Variants in TBC1D22B observed in about 807,000 individuals in gnomAD.
The protein encoded by TBC1D22B is TBC1 domain family member 22B, also known as chromosome 6 open reading frame 197.
A neutral mutation model predicts 69.1 loss-of-function variants in TBC1D22B; 32 were observed. The observed-to-expected ratio is 0.46, with a 90% CI of 0.35 to 0.62. The LOEUF is 0.62. TBC1D22B is among the 20% of genes least tolerant of loss of function. TBC1D22B has a pLI of 0.00. For missense variants in TBC1D22B, 462 were observed against 630.9 expected (o/e 0.73, Z 2.87); for synonymous variants, 206 against 229.8 (o/e 0.90, Z 0.94).
intron 8 of TBC1D22B, among the ~76,000 whole-genome samples, chr6:37,296,002 G>T (rs1027609706): frequency 6.6e-6 from 1 of 152,232 alleles, no homozygotes; most frequent in East Asian, 1.9e-4. Flanking sequence ...ACCCTGGTCA[G>T]TCAGCAGCCA....
intron 12 of TBC1D22B, among the ~76,000 whole-genome samples, chr6:37,325,601 G>A (rs548971135): frequency 2.9e-5 from 4 of 137,732 alleles, no homozygotes; most frequent in Non-Finnish European, 6.0e-5. Context: ...CCAGGCTGGA[G>A]TGCAGTGGCA....
intron 2 of TBC1D22B, among the ~76,000 whole-genome samples, chr6:37,276,637 A>G (rs991305861): frequency 5.3e-5 from 8 of 152,216 alleles, no homozygotes; most frequent in African/African-American, 1.7e-4. Context: ...CTTCAAAAAT[A>G]TAATGAAAAC....
At chr6:37,327,996 G>A (rs1768477575) in intron 12 of TBC1D22B, among the ~76,000 whole-genome samples, 1 of 152,050 alleles carries the variant, frequency 6.6e-6, no homozygotes, top group African/African-American at 2.4e-5. Flanking sequence ...TATATTTTCT[G>A]GTTGAATGTT....
At position 37,331,208 on chromosome 6, in the gene TBC1D22B, C is replaced by A. The variant is rs1161890054; in HGVS notation, c.*36C>A. ...CTCCGGGGACCCAGACTGCCTTCAT[C>A]TCTGATGGCAGTCTGATCACTGTGG... On this transcript the variant is annotated 3_prime_UTR_variant, in exon 13 of 13. Transcript: ENST00000373491. 4 of 1,606,168 alleles carry A rather than the reference C, an allele frequency of 2.5e-6. No homozygotes were observed. The highest frequency in any genetic ancestry group is 3.4e-6 in the Non-Finnish European group (4 of 1,173,470).
chr6:37,326,501 A>G (rs1048039017), intron 12 of TBC1D22B, among the ~76,000 whole-genome samples: 4 of 151,974 alleles, frequency 2.6e-5, no homozygotes, highest in African/African-American at 9.7e-5. Context: ...CCAGTAAGAA[A>G]TCTTAGGCTG....
chr6:37,281,544 T>C (rs1043322060), intron 3 of TBC1D22B, among the ~76,000 whole-genome samples: 1 of 152,226 alleles, frequency 6.6e-6, no homozygotes, highest in Admixed American at 6.5e-5. Flanking sequence ...AGGCCAGAGC[T>C]TCTCACCATT....
At chr6:37,295,448 T>C in intron 8 of TBC1D22B, 1 of 236,478 alleles carries the variant, frequency 4.2e-6, no homozygotes, top group South Asian at 5.6e-5. Context: ...TTCAGATAAA[T>C]AGAAAGTCTG....
intron 1 of TBC1D22B, among the ~76,000 whole-genome samples, chr6:37,260,410 A>C (rs77172231): frequency 1.3e-5 from 2 of 152,392 alleles, no homozygotes; most frequent in East Asian, 3.9e-4. Flanking sequence ...GACAACAAAT[A>C]GAAATTTTAT....
At chr6:37,330,860 A>G (rs1184976239) in intron 12 of TBC1D22B, among the ~76,000 whole-genome samples, 184 bp from the exon 13 acceptor site, 9 of 152,138 alleles carry the variant, frequency 5.9e-5, no homozygotes, top group Admixed American at 5.9e-4. Flanking sequence ...GAGGCTTTCA[A>G]GACCTCCTGA....
intron 8 of TBC1D22B, among the ~76,000 whole-genome samples, chr6:37,292,481 C>T (rs563355992): frequency 3.3e-5 from 5 of 152,002 alleles, no homozygotes; most frequent in South Asian, 4.2e-4. Context: ...ATCCTCCCCA[C>T]CCCCCCGCCT....
At chr6:37,295,139 GT>G (rs1323795934) in intron 8 of TBC1D22B, among the ~76,000 whole-genome samples, 1 of 152,172 alleles carries the variant, frequency 6.6e-6, no homozygotes. Flanking sequence ...GTCCCACTCT[GT>G]TGCCCAGGCT....
intron 12 of TBC1D22B, among the ~76,000 whole-genome samples, chr6:37,321,142 A>G (rs1452939962): frequency 6.6e-6 from 1 of 152,146 alleles, no homozygotes; most frequent in East Asian, 1.9e-4. Context: ...CCTTGCAACA[A>G]TCCTACAAGG....
intron 8 of TBC1D22B, among the ~76,000 whole-genome samples, chr6:37,311,565 T>C (rs949759530): frequency 2.6e-5 from 4 of 151,836 alleles, no homozygotes; most frequent in Admixed American, 2.6e-4. Context: ...CCCAGCTACT[T>C]GGGAGGCTGA....
chr6:37,267,006 A>G (rs1184539767), intron 1 of TBC1D22B, among the ~76,000 whole-genome samples: 2 of 133,864 alleles, frequency 1.5e-5, no homozygotes, highest in African/African-American at 2.8e-5. Context: ...ACACGATGAT[A>G]GGTCACTGTA....
chr6:37,305,862 G>A (rs1447171525), intron 8 of TBC1D22B, among the ~76,000 whole-genome samples: 1 of 152,192 alleles, frequency 6.6e-6, no homozygotes, highest in African/African-American at 2.4e-5. Flanking sequence ...GAATCATATA[G>A]TAAGAATTTT....
chr6:37,292,366 T>C (rs1391721969), intron 8 of TBC1D22B, among the ~76,000 whole-genome samples: 1 of 152,112 alleles, frequency 6.6e-6, no homozygotes, highest in Non-Finnish European at 1.5e-5. Context: ...CCTATCCAGG[T>C]TTTGCGATGG....
intron 8 of TBC1D22B, among the ~76,000 whole-genome samples, chr6:37,300,510 G>A (rs936534899): frequency 7.2e-5 from 11 of 151,896 alleles, no homozygotes; most frequent in African/African-American, 1.7e-4. Context: ...TACAGGCATC[G>A]CCACTATGCC....
chr6:37,291,076 T>C lies in TBC1D22B; in HGVS notation c.868-167T>C, dbSNP rs549906503. Among the ~76,000 whole-genome samples the C allele has an allele frequency of 3.9e-5, 6 of 152,352 alleles. No homozygotes were observed. In the South Asian group the frequency reaches 1.2e-3, roughly 32 times the overall value. On this transcript the variant is annotated intron_variant, in intron 7 of 12. Transcript: ENST00000373491. The stretch of plus-strand genomic sequence containing the variant: ...TACCCCTACTTGAAAACAATTAGTG[T>C]ATTTAGAAACTTTTTGCATTTATAT...
chr6:37,268,471 AT>A (rs1766375253), intron 1 of TBC1D22B, among the ~76,000 whole-genome samples: 1 of 152,078 alleles, frequency 6.6e-6, no homozygotes, highest in Non-Finnish European at 1.5e-5. Context: ...TCAAGCAGTC[AT>A]TTTGCCGTGG....
Sources: gnomAD v4.1 joint callset for allele counts (sites outside exome capture counted in the v4.1 genomes callset) on GRCh38, gnomAD v4.1.1 for gene constraint, MANE v1.5 for transcripts, NCBI Gene and HGNC (gene_info 2026-07-23, HGNC 2026-07-21) for gene names.